MAGI2: variants seen among roughly 807,000 people sequenced by gnomAD.
MAGI2 encodes membrane-associated guanylate kinase, WW and PDZ domain-containing protein 2.
MAGI2 carries 35 observed loss-of-function variants against 133.3 expected under a neutral mutation model. That is an observed-to-expected ratio of 0.26 (90% CI 0.20 to 0.35). The LOEUF is 0.35. MAGI2 is among the 10% of genes least tolerant of loss of function. The pLI is 1.00. For synonymous variants in MAGI2, 729 were observed against 710.6 expected, an observed-to-expected ratio of 1.03 and a Z score of -0.41; for missense variants, 1,636 against 1,863.4, an observed-to-expected ratio of 0.88 and a Z score of 2.25.
At chr7:78,762,560 T>C (rs1242588934) in intron 2 of MAGI2, among the ~76,000 whole-genome samples, 3 of 152,218 alleles carry the variant, frequency 2.0e-5, no homozygotes, top group Non-Finnish European at 2.9e-5. Context: ...CCTTTCGCTA[T>C]GTGAACAAGA....
intron 2 of MAGI2, among the ~76,000 whole-genome samples, chr7:78,929,003 G>A (rs1799914343): frequency 6.6e-6 from 1 of 151,952 alleles, no homozygotes; most frequent in South Asian, 2.1e-4. Context: ...ATCTTAAAAA[G>A]AGCAATGCTA....
intron 2 of MAGI2, among the ~76,000 whole-genome samples, chr7:78,680,539 C>T (rs1815533810): frequency 6.6e-6 from 1 of 152,106 alleles, no homozygotes; most frequent in African/African-American, 2.4e-5. Context: ...TGTAATAGAA[C>T]TAGAAGGAAC....
chr7:79,235,925 T>C (rs997966710), intron 1 of MAGI2, among the ~76,000 whole-genome samples: 1 of 152,256 alleles, frequency 6.6e-6, no homozygotes, highest in Non-Finnish European at 1.5e-5. Flanking sequence ...TGGTGCTCAA[T>C]AAACAGTTGT....
chr7:79,436,820 A>T (rs1341443342), intron 1 of MAGI2, among the ~76,000 whole-genome samples: 4 of 152,226 alleles, frequency 2.6e-5, no homozygotes, highest in African/African-American at 7.2e-5. Context: ...TAGAATTTCC[A>T]TTCAATCCAG....
At chr7:78,260,585 T>C (rs574323414) in intron 9 of MAGI2, among the ~76,000 whole-genome samples, 106 of 152,340 alleles carry the variant, frequency 7.0e-4, no homozygotes, top group Middle Eastern at 3.4e-3. Context: ...AGAAGATACA[T>C]TTCTTTTGAA....
chr7:78,521,078 C>G (rs1282764250), intron 4 of MAGI2, among the ~76,000 whole-genome samples: 2 of 152,020 alleles, frequency 1.3e-5, no homozygotes, highest in African/African-American at 4.8e-5. Context: ...TTTACACAAC[C>G]ATATATAAGA....
At chr7:79,341,344 T>G (rs184076194) in intron 1 of MAGI2, among the ~76,000 whole-genome samples, 1 of 152,222 alleles carries the variant, frequency 6.6e-6, no homozygotes, top group African/African-American at 2.4e-5. Context: ...TTAATAAATG[T>G]CAGTTTCCTT....
intron 4 of MAGI2, among the ~76,000 whole-genome samples, chr7:78,520,811 G>A (rs1373203617): frequency 6.6e-6 from 1 of 152,162 alleles, no homozygotes; most frequent in African/African-American, 2.4e-5. Flanking sequence ...CAAGGGCACA[G>A]CTATTATTTT....
chr7:78,502,019 AG>A (rs1794672349), intron 4 of MAGI2, among the ~76,000 whole-genome samples: 1 of 152,206 alleles, frequency 6.6e-6, no homozygotes, highest in Non-Finnish European at 1.5e-5. Context: ...GGAGGTTTAA[AG>A]GATGTAATGT....
intron 2 of MAGI2, among the ~76,000 whole-genome samples, chr7:78,741,286 T>G (rs548683039): frequency 9.9e-5 from 15 of 151,188 alleles, no homozygotes; most frequent in Non-Finnish European, 2.1e-4. Context: ...GAGGTGACAG[T>G]GTCTGGTAGA....
chr7:78,195,017 G>T lies in MAGI2; in HGVS notation c.2126C>A (p.Ser709Tyr), dbSNP rs374693913. 6.2e-7 allele frequency: 1 copy of T among 1,613,402 alleles called. No homozygotes were observed. Among genetic ancestry groups the T allele is most frequent in the Non-Finnish European group, 8.5e-7 (1 of 1,179,674 alleles). ...ENQGSPQTSL[S>Y]APAIPQNLPF... ...CAGGTTCTGCGGTATGGCCGGAGCA[G>T]ATAAACTCGTTTGAGGACTGCCTTG... Residue 709 changes from serine to tyrosine, a missense_variant, in exon 12 of 22, where the codon TCT becomes TAT. Coordinates refer to ENST00000354212, the MANE Select transcript of MAGI2 (RefSeq NM_012301.4).
chr7:78,315,291 A>T (rs1363657369), intron 9 of MAGI2, among the ~76,000 whole-genome samples: 1 of 152,180 alleles, frequency 6.6e-6, no homozygotes, highest in East Asian at 1.9e-4. Context: ...TGTGGGCCAG[A>T]GGGTTAACTC....
At chr7:78,457,591 C>T (rs1471838621) in intron 6 of MAGI2, among the ~76,000 whole-genome samples, 3 of 152,002 alleles carry the variant, frequency 2.0e-5, no homozygotes. Context: ...CATGATAGTC[C>T]ATGTTCTTTT....
chr7:79,217,713 T>C (rs1203216378), intron 1 of MAGI2, among the ~76,000 whole-genome samples: 3 of 152,016 alleles, frequency 2.0e-5, no homozygotes, highest in South Asian at 2.1e-4. Flanking sequence ...CCAGCTATAA[T>C]ACATTGAGCA....
chr7:78,550,059 A>G (rs1190158503), intron 3 of MAGI2, among the ~76,000 whole-genome samples: 1 of 152,182 alleles, frequency 6.6e-6, no homozygotes, highest in African/African-American at 2.4e-5. Flanking sequence ...CTCTTCCATC[A>G]TGTGTGGACA....
intron 1 of MAGI2, among the ~76,000 whole-genome samples, chr7:79,354,619 C>T (rs1465526522): frequency 6.6e-6 from 1 of 152,098 alleles, no homozygotes; most frequent in East Asian, 1.9e-4. Context: ...GAGTACCTAC[C>T]TCTGTCCAAT....
intron 20 of MAGI2, among the ~76,000 whole-genome samples, chr7:78,103,540 T>A (rs1460354324): frequency 6.6e-6 from 1 of 152,216 alleles, no homozygotes; most frequent in African/African-American, 2.4e-5. Flanking sequence ...TTACAAAAAC[T>A]CTGCAAGGTA....
intron 1 of MAGI2, among the ~76,000 whole-genome samples, chr7:79,329,214 A>G (rs1449828015): frequency 6.6e-6 from 1 of 152,152 alleles, no homozygotes; most frequent in Non-Finnish European, 1.5e-5. Flanking sequence ...CCATTTCATC[A>G]CTCTACAGAT....
intron 2 of MAGI2, among the ~76,000 whole-genome samples, chr7:78,875,721 T>TA (rs1795366706): frequency 1.3e-5 from 2 of 152,006 alleles, no homozygotes; most frequent in Non-Finnish European, 1.5e-5. Flanking sequence ...TGACCCACAT[T>TA]AAAAAAATAA....
Sources: allele counts gnomAD v4.1 joint callset (sites outside exome capture counted in the v4.1 genomes callset), GRCh38; gene constraint gnomAD v4.1.1; transcripts MANE v1.5; gene names NCBI Gene and HGNC (gene_info 2026-07-23, HGNC 2026-07-21).